The following CADM2 variants were observed in gnomAD, a reference collection of about 807,000 sequenced individuals.
The protein encoded by CADM2 is cell adhesion molecule 2.
CADM2 carries 12 observed loss-of-function variants against 49.8 expected under a neutral mutation model. That is an observed-to-expected ratio of 0.24 (90% CI 0.15 to 0.39). The LOEUF is 0.39. CADM2 is among the 10% of genes least tolerant of loss of function. The probability of loss-of-function intolerance (pLI) is 1.00; values close to 1 mark genes in which losing one functional copy is unlikely to be tolerated. For missense variants in CADM2, 378 were observed against 492.3 expected (o/e 0.77, Z 2.20); for synonymous variants, 214 against 175.4 (o/e 1.22, Z -1.74).
intron 1 of CADM2, among the ~76,000 whole-genome samples, chr3:85,421,598 C>T (rs957472651): frequency 1.3e-5 from 2 of 152,156 alleles, no homozygotes; most frequent in African/African-American, 2.4e-5. Flanking sequence ...TTACCTACAC[C>T]TCATGGTCCT....
intron 1 of CADM2, among the ~76,000 whole-genome samples, chr3:85,712,279 A>G (rs1181625158): frequency 6.6e-6 from 1 of 152,170 alleles, no homozygotes; most frequent in East Asian, 1.9e-4. Context: ...ACAGTTCATG[A>G]CATTCTAAGA....
chr3:85,834,158 T>A (rs1454675599), intron 3 of CADM2, among the ~76,000 whole-genome samples: 1 of 151,620 alleles, frequency 6.6e-6, no homozygotes, highest in East Asian at 1.9e-4. Context: ...AAGACAGAAA[T>A]CATGGATCTA....
At chr3:85,073,158 G>C (rs2036820650) in intron 1 of CADM2, among the ~76,000 whole-genome samples, 1 of 152,102 alleles carries the variant, frequency 6.6e-6, no homozygotes, top group Admixed American at 6.6e-5. Flanking sequence ...TATTTGATGT[G>C]ATACTTAGGA....
chr3:85,262,968 G>A (rs1235187251), intron 1 of CADM2, among the ~76,000 whole-genome samples: 2 of 149,316 alleles, frequency 1.3e-5, no homozygotes, highest in African/African-American at 5.1e-5. Flanking sequence ...TTATTACTCT[G>A]TATTTATCTT....
chr3:85,646,362 G>A (rs1007960404), intron 1 of CADM2, among the ~76,000 whole-genome samples: 3 of 151,902 alleles, frequency 2.0e-5, no homozygotes, highest in African/African-American at 7.2e-5. Flanking sequence ...TTGGTTTACT[G>A]GTAAGCAGTT....
intron 8 of CADM2, among the ~76,000 whole-genome samples, chr3:86,039,348 G>T (rs1210592972): frequency 6.6e-6 from 1 of 152,112 alleles, no homozygotes; most frequent in African/African-American, 2.4e-5. Context: ...AGAAAGAGGT[G>T]ACAGATAGCA....
chr3:85,398,836 C>T (rs1338885376), intron 1 of CADM2, among the ~76,000 whole-genome samples: 1 of 152,096 alleles, frequency 6.6e-6, no homozygotes, highest in Non-Finnish European at 1.5e-5. Context: ...ATCCTTTGCC[C>T]AGTTGTTGAG....
chr3:85,310,317 T>G (rs1226726046), intron 1 of CADM2, among the ~76,000 whole-genome samples: 2 of 152,096 alleles, frequency 1.3e-5, no homozygotes, highest in Non-Finnish European at 2.9e-5. Flanking sequence ...GGGCACAGGA[T>G]TTCATAGTTT....
chr3:85,855,658 G>A (rs1385729556), intron 3 of CADM2, among the ~76,000 whole-genome samples: 5 of 132,572 alleles, frequency 3.8e-5, no homozygotes, highest in South Asian at 2.3e-4. Context: ...ACGGAGTTTC[G>A]CACTGTTGCC....
At chr3:85,826,180 T>C (rs1205728083) in intron 3 of CADM2, among the ~76,000 whole-genome samples, 2 of 152,040 alleles carry the variant, frequency 1.3e-5, no homozygotes, top group Non-Finnish European at 2.9e-5. Context: ...TCATTTATTA[T>C]ATATTTTTCA....
intron 1 of CADM2, among the ~76,000 whole-genome samples, chr3:85,210,665 G>T (rs951114567): frequency 2.0e-5 from 3 of 151,810 alleles, no homozygotes; most frequent in African/African-American, 7.3e-5. Context: ...CCTGAGCCTC[G>T]GAGTAGCTGG....
At chr3:85,079,416 G>A (rs1286021678) in intron 1 of CADM2, among the ~76,000 whole-genome samples, 2 of 151,712 alleles carry the variant, frequency 1.3e-5, no homozygotes, top group South Asian at 4.1e-4. Context: ...AGGAATGTGC[G>A]TTCCTTCCTT....
intron 1 of CADM2, among the ~76,000 whole-genome samples, chr3:85,000,808 C>A (rs1043789337): frequency 6.6e-6 from 1 of 150,996 alleles, no homozygotes; most frequent in Admixed American, 6.6e-5. Context: ...GACACAAATA[C>A]ATATATGTGC....
intron 7 of CADM2, among the ~76,000 whole-genome samples, chr3:85,951,967 G>A (rs1356646624): frequency 6.6e-6 from 1 of 150,876 alleles, no homozygotes; most frequent in Non-Finnish European, 1.5e-5. Context: ...GAACGGGAGA[G>A]GGCCATTAAA....
intron 2 of CADM2, among the ~76,000 whole-genome samples, chr3:85,753,756 A>G (rs2068971728): frequency 6.6e-6 from 1 of 152,158 alleles, no homozygotes; most frequent in African/African-American, 2.4e-5. Flanking sequence ...TATGACTCCT[A>G]TTGTTAGTGG....
At chr3:85,180,619 G>A (rs1244165546) in intron 1 of CADM2, among the ~76,000 whole-genome samples, 1 of 150,858 alleles carries the variant, frequency 6.6e-6, no homozygotes, top group East Asian at 1.9e-4. Context: ...TAATTTAAGT[G>A]TTTAGTTTTT....
At chr3:85,727,214 C>T (rs956428037) in intron 2 of CADM2, among the ~76,000 whole-genome samples, 11 of 152,102 alleles carry the variant, frequency 7.2e-5, no homozygotes, top group African/African-American at 2.7e-4. Flanking sequence ...CTGTTTAGAG[C>T]AGTCTACATA....
intron 1 of CADM2, among the ~76,000 whole-genome samples, chr3:85,439,720 C>T (rs2037107919): frequency 6.6e-6 from 1 of 151,766 alleles, no homozygotes; most frequent in Admixed American, 6.6e-5. Flanking sequence ...CATGGACTGT[C>T]CCTAAAATCT....
intron 1 of CADM2, among the ~76,000 whole-genome samples, chr3:85,090,246 T>C (rs1343701176): frequency 6.6e-6 from 1 of 152,118 alleles, no homozygotes; most frequent in African/African-American, 2.4e-5. Context: ...GATATGTTCA[T>C]TTTATGTGAG....
Sources: gnomAD v4.1 joint callset for allele counts (sites outside exome capture counted in the v4.1 genomes callset) on GRCh38, gnomAD v4.1.1 for gene constraint, MANE v1.5 for transcripts, NCBI Gene and HGNC (gene_info 2026-07-23, HGNC 2026-07-21) for gene names.